Variants in CNTN4 observed in about 807,000 individuals in gnomAD.
CNTN4 encodes contactin 4.
In CNTN4, 77 loss-of-function variants were observed where a neutral mutation model predicts 122.5. The ratio of observed to expected loss-of-function variants is 0.63; its 90% confidence interval spans 0.52 to 0.76. CNTN4 has a LOEUF of 0.76. CNTN4 is among the 30% of genes least tolerant of loss of function. The pLI is 0.00. For synonymous variants in CNTN4, 512 were observed against 447.0 expected (o/e 1.15, Z -1.83); for missense variants, 1,256 against 1,259.1 (o/e 1.00, Z 0.04).
chr3:2,657,388 T>C (rs992640630), intron 4 of CNTN4, among the ~76,000 whole-genome samples: 1 of 152,210 alleles, frequency 6.6e-6, no homozygotes, highest in African/African-American at 2.4e-5. Flanking sequence ...CTTGTAAATA[T>C]ACTCTTATGT....
At chr3:2,450,235 C>A (rs963856048) in intron 3 of CNTN4, among the ~76,000 whole-genome samples, 1 of 151,936 alleles carries the variant, frequency 6.6e-6, no homozygotes, top group Admixed American at 6.6e-5. Context: ...GTCATGCTGG[C>A]ACATACCTGT....
intron 23 of CNTN4, among the ~76,000 whole-genome samples, chr3:3,052,189 C>G (rs1277994718): frequency 1.3e-5 from 2 of 152,206 alleles, no homozygotes; most frequent in African/African-American, 4.8e-5. Context: ...TCTGTGCAGT[C>G]TTAGGCAGGC....
At chr3:2,139,133 C>A (rs1453598861) in intron 2 of CNTN4, among the ~76,000 whole-genome samples, 2 of 152,050 alleles carry the variant, frequency 1.3e-5, no homozygotes, top group Non-Finnish European at 2.9e-5. Flanking sequence ...TATAAATATT[C>A]CTTTAAATGG....
At chr3:2,883,114 T>C (rs762840956) in intron 8 of CNTN4, 31 bp from the exon 9 acceptor site, 2 of 1,486,504 alleles carry the variant, frequency 1.3e-6, no homozygotes, top group Admixed American at 3.4e-5. Flanking sequence ...TAAAAGAATC[T>C]CCAAGACTTA....
At chr3:2,297,764 C>T (rs892334572) in intron 2 of CNTN4, among the ~76,000 whole-genome samples, 4 of 152,154 alleles carry the variant, frequency 2.6e-5, no homozygotes, top group African/African-American at 9.7e-5. Flanking sequence ...GAGTCTCACT[C>T]TGTCACCCAA....
intron 2 of CNTN4, among the ~76,000 whole-genome samples, chr3:2,102,843 C>T (rs1162862837): frequency 6.6e-6 from 1 of 151,826 alleles, no homozygotes. Context: ...AACTAGCATT[C>T]TCTGATGTTT....
intron 4 of CNTN4, among the ~76,000 whole-genome samples, chr3:2,706,721 C>G (rs1340493246): frequency 2.6e-5 from 4 of 152,080 alleles, no homozygotes; most frequent in Admixed American, 2.6e-4. Context: ...TCTCTTTTAA[C>G]TTTGCTGCAT....
At chr3:2,901,792 T>G (rs533974381) in intron 11 of CNTN4, among the ~76,000 whole-genome samples, 2 of 152,288 alleles carry the variant, frequency 1.3e-5, no homozygotes, top group East Asian at 1.9e-4. Flanking sequence ...GGAGTTTATG[T>G]AGCTGGGGAA....
chr3:2,382,118 A>G (rs902495478), intron 3 of CNTN4, among the ~76,000 whole-genome samples: 5 of 152,016 alleles, frequency 3.3e-5, no homozygotes, highest in Non-Finnish European at 7.4e-5. Context: ...TATATAAAAA[A>G]CATGGTATAC....
chr3:2,921,971 C>G (rs2151332840), intron 12 of CNTN4, among the ~76,000 whole-genome samples: 1 of 152,260 alleles, frequency 6.6e-6, no homozygotes, highest in South Asian at 2.1e-4. Flanking sequence ...TAATAAAGAT[C>G]ATTGAAAAAT....
intron 2 of CNTN4, among the ~76,000 whole-genome samples, chr3:2,222,176 C>A (rs1443025698): frequency 6.6e-6 from 1 of 152,120 alleles, no homozygotes; most frequent in Non-Finnish European, 1.5e-5. Flanking sequence ...TAAGTTAGTA[C>A]ACGAAATGTG....
chr3:2,758,458 C>G (rs2090437649), intron 6 of CNTN4, among the ~76,000 whole-genome samples: 1 of 150,560 alleles, frequency 6.6e-6, no homozygotes, highest in Admixed American at 6.6e-5. Context: ...TATAGTCTTT[C>G]TCATTCACCT....
intron 4 of CNTN4, among the ~76,000 whole-genome samples, chr3:2,617,150 TTAAAC>T (rs2081786380): frequency 6.6e-6 from 1 of 152,092 alleles, no homozygotes; most frequent in South Asian, 2.1e-4. Flanking sequence ...TGGGATCTAA[TTAAAC>T]TAAAGAGCTT....
intron 4 of CNTN4, among the ~76,000 whole-genome samples, chr3:2,727,508 A>G (rs968078458): frequency 5.3e-5 from 8 of 152,182 alleles, no homozygotes; most frequent in South Asian, 2.1e-4. Flanking sequence ...TGTTCCTGGA[A>G]TGTGTCAAGG....
At chr3:2,375,510 G>T (rs1343784122) in intron 3 of CNTN4, among the ~76,000 whole-genome samples, 1 of 152,088 alleles carries the variant, frequency 6.6e-6, no homozygotes, top group Admixed American at 6.6e-5. Context: ...AGGCCGCCTG[G>T]GTGCATCAGT....
intron 2 of CNTN4, among the ~76,000 whole-genome samples, chr3:2,300,796 A>C (rs899834134): frequency 6.6e-6 from 1 of 151,814 alleles, no homozygotes; most frequent in Admixed American, 6.6e-5. Flanking sequence ...GTCTCCATCA[A>C]CAGACCTTGT....
intron 2 of CNTN4, among the ~76,000 whole-genome samples, chr3:2,255,898 A>C (rs1284990882): frequency 6.6e-6 from 1 of 152,206 alleles, no homozygotes; most frequent in Non-Finnish European, 1.5e-5. Context: ...GCAAAAGCAA[A>C]CAAATTCAAA....
At chr3:2,151,969 G>A (rs2035512030) in intron 2 of CNTN4, among the ~76,000 whole-genome samples, 2 of 152,160 alleles carry the variant, frequency 1.3e-5, no homozygotes. Context: ...AGACAATAAT[G>A]CATGATTTTT....
chr3:2,508,422 G>A (rs1471789053), intron 3 of CNTN4, among the ~76,000 whole-genome samples: 1 of 152,168 alleles, frequency 6.6e-6, no homozygotes, highest in African/African-American at 2.4e-5. Flanking sequence ...ACTTATTGCT[G>A]AAGATTCTAA....
Sources: allele counts gnomAD v4.1 joint callset (sites outside exome capture counted in the v4.1 genomes callset), GRCh38; gene constraint gnomAD v4.1.1; transcripts MANE v1.5; gene names NCBI Gene and HGNC (gene_info 2026-07-23, HGNC 2026-07-21).